The following ALCAM variants were observed in gnomAD, a reference collection of about 807,000 sequenced individuals.
ALCAM encodes the protein activated leukocyte cell adhesion molecule, also known as CD166 antigen.
Under a neutral mutation model 70.9 loss-of-function variants are expected in ALCAM, and 30 were observed. That is an observed-to-expected ratio of 0.42 (90% confidence interval 0.32 to 0.57). ALCAM has a LOEUF of 0.57. Among genes scored for constraint, ALCAM ranks in the 20% least tolerant of loss-of-function variants. The pLI is 0.11. For synonymous variants in ALCAM, 249 were observed against 242.5 expected (o/e 1.03, Z -0.25); for missense variants, 591 against 695.1 (o/e 0.85, Z 1.68).
At chr3:105,416,958 C>T (rs1936520913) in intron 1 of ALCAM, among the ~76,000 whole-genome samples, 1 of 151,882 alleles carries the variant, frequency 6.6e-6, no homozygotes. Flanking sequence ...GTCTCAGTAG[C>T]CTCTCATAAC....
intron 1 of ALCAM, among the ~76,000 whole-genome samples, chr3:105,371,989 T>A (rs1419779571): frequency 6.6e-6 from 1 of 152,166 alleles, no homozygotes; most frequent in African/African-American, 2.4e-5. Flanking sequence ...AAGAATGAAC[T>A]AACTTACTGG....
intron 14 of ALCAM, among the ~76,000 whole-genome samples, chr3:105,569,168 T>G (rs1183322570): frequency 6.6e-6 from 1 of 152,060 alleles, no homozygotes. Context: ...ATTCTTACTT[T>G]AGATGAAAGG....
rs558531962 is a variant in ALCAM at position 105,531,816 on chromosome 3, G to C, written c.395-186G>C. On this transcript the variant is annotated intron_variant, in intron 3 of 15. Coordinates refer to ENST00000306107, the MANE Select transcript of ALCAM (RefSeq NM_001627.4). ...TACAAGCACTGAAAATAATATTTAA[G>C]ATAATAAATATTTGAAGGGGTAGAC... is the stretch of plus-strand genomic sequence containing the variant. Among the ~76,000 whole-genome samples, 23 of 152,164 alleles carry C rather than the reference G, an allele frequency of 1.5e-4. No homozygotes were observed. In the South Asian group the frequency reaches 4.4e-3, roughly 29 times the overall value.
chr3:105,554,981 G>T (rs1281742924), intron 14 of ALCAM, among the ~76,000 whole-genome samples: 1 of 151,866 alleles, frequency 6.6e-6, no homozygotes, highest in African/African-American at 2.4e-5. Context: ...TCAAATAAAT[G>T]TTAAATTCTT....
At position 105,510,233 on chromosome 3, in the gene ALCAM, G is replaced by T. The variant is rs183258379; in HGVS notation, c.74-9834G>T. On this transcript the variant is annotated intron_variant, in intron 1 of 15. Transcript: ENST00000306107. ...GAGGATATGAAGGTTGGGTGGAAGC[G>T]TTCTAGACTGTCATGCAGTCTAAGG... Among the ~76,000 whole-genome samples the T allele has an allele frequency of 5.1e-3, 772 of 152,152 alleles. 4 individuals are homozygous for T. The highest frequency in any genetic ancestry group is 8.5e-3 in the South Asian group (41 of 4,822).
At chr3:105,494,514 G>A (rs767652605) in intron 1 of ALCAM, among the ~76,000 whole-genome samples, 112 of 150,994 alleles carry the variant, frequency 7.4e-4, no homozygotes, top group Non-Finnish European at 1.2e-3. Context: ...ATTCACCTAA[G>A]AAGGAAAACA....
intron 1 of ALCAM, among the ~76,000 whole-genome samples, chr3:105,399,654 C>A (rs1404827998): frequency 2.6e-5 from 4 of 152,126 alleles, no homozygotes; most frequent in Non-Finnish European, 5.9e-5. Context: ...ATTTCATAAT[C>A]TCTTAATGGT....
intron 2 of ALCAM, among the ~76,000 whole-genome samples, chr3:105,521,080 T>A: frequency 6.6e-6 from 1 of 151,700 alleles, no homozygotes; most frequent in African/African-American, 2.4e-5. Flanking sequence ...GGCGGGTGGA[T>A]CATGAGGTCA....
At chr3:105,509,094 G>A (rs1939163574) in intron 1 of ALCAM, among the ~76,000 whole-genome samples, 2 of 152,062 alleles carry the variant, frequency 1.3e-5, no homozygotes, top group African/African-American at 4.8e-5. Context: ...TATCTATATA[G>A]ACAATTTATT....
intron 1 of ALCAM, among the ~76,000 whole-genome samples, chr3:105,376,948 A>G (rs547746702): frequency 6.6e-6 from 1 of 152,312 alleles, no homozygotes; most frequent in South Asian, 2.1e-4. Context: ...AAGTTGTTCA[A>G]ATACTTTCCT....
At chr3:105,522,887 C>G (rs1939581934) in intron 2 of ALCAM, among the ~76,000 whole-genome samples, 1 of 152,068 alleles carries the variant, frequency 6.6e-6, no homozygotes, top group African/African-American at 2.4e-5. Context: ...CGCCTGTAAT[C>G]CCAGCACTTT....
chr3:105,516,355 T>TCAAA (rs1939378336), intron 1 of ALCAM, among the ~76,000 whole-genome samples: 1 of 152,114 alleles, frequency 6.6e-6, no homozygotes, highest in East Asian at 1.9e-4. Flanking sequence ...TTCAAAACAT[T>TCAAA]ACCAGAGTCT....
intron 6 of ALCAM, among the ~76,000 whole-genome samples, chr3:105,536,854 G>T (rs1395188918): frequency 1.3e-5 from 2 of 152,146 alleles, no homozygotes; most frequent in East Asian, 3.9e-4. Flanking sequence ...TCAAACTGTA[G>T]TGTAAATCAG....
chr3:105,494,354 A>T (rs1024665392), intron 1 of ALCAM, among the ~76,000 whole-genome samples: 1 of 152,194 alleles, frequency 6.6e-6, no homozygotes, highest in African/African-American at 2.4e-5. Flanking sequence ...ATAAAATGTG[A>T]CATCACTAAC....
At chr3:105,440,605 CA>C (rs1937148502) in intron 1 of ALCAM, among the ~76,000 whole-genome samples, 1 of 152,150 alleles carries the variant, frequency 6.6e-6, no homozygotes, top group Non-Finnish European at 1.5e-5. Flanking sequence ...TGCTGGCAGT[CA>C]TTAAAGATTT....
intron 1 of ALCAM, among the ~76,000 whole-genome samples, chr3:105,438,400 T>C (rs1366396601): frequency 6.6e-6 from 1 of 152,178 alleles, no homozygotes. Flanking sequence ...ATTTTTAAAA[T>C]GTTAGTTAAG....
intron 1 of ALCAM, among the ~76,000 whole-genome samples, chr3:105,457,162 T>G (rs1184031629): frequency 6.6e-6 from 1 of 152,246 alleles, no homozygotes; most frequent in Non-Finnish European, 1.5e-5. Flanking sequence ...TAAAAGATTT[T>G]TTTCTGTGTC....
intron 1 of ALCAM, among the ~76,000 whole-genome samples, chr3:105,410,179 A>T (rs1010596029): frequency 6.6e-6 from 1 of 151,962 alleles, no homozygotes; most frequent in Non-Finnish European, 1.5e-5. Context: ...TCATCTTTTG[A>T]TGCTGTAACA....
chr3:105,490,197 G>C (rs1025724652), intron 1 of ALCAM, among the ~76,000 whole-genome samples: 4 of 152,196 alleles, frequency 2.6e-5, no homozygotes, highest in Admixed American at 1.3e-4. Flanking sequence ...AGGCATTGCA[G>C]ACAAGTTTTT....
Sources: allele counts gnomAD v4.1 joint callset (sites outside exome capture counted in the v4.1 genomes callset), GRCh38; gene constraint gnomAD v4.1.1; transcripts MANE v1.5; gene names NCBI Gene and HGNC (gene_info 2026-07-23, HGNC 2026-07-21).